Variants in KCNH5 observed in about 807,000 individuals in gnomAD.
The protein encoded by KCNH5 is voltage-gated delayed rectifier potassium channel KCNH5.
KCNH5 carries 46 observed loss-of-function variants against 96.1 expected under a neutral mutation model. That is an observed-to-expected ratio of 0.48 (90% CI 0.38 to 0.61). The LOEUF is 0.61. Ranked by LOEUF, KCNH5 falls within the 20% of genes least tolerant of loss-of-function variation. The probability of loss-of-function intolerance (pLI) is 0.00; values close to 1 mark genes in which losing one functional copy is unlikely to be tolerated. For missense variants in KCNH5, 907 were observed against 1,225.8 expected, an observed-to-expected ratio of 0.74 and a Z score of 3.88; for synonymous variants, 439 against 449.8, an observed-to-expected ratio of 0.98 and a Z score of 0.30.
At chr14:62,819,389 T>C (rs1887068579) in intron 8 of KCNH5, among the ~76,000 whole-genome samples, 3 of 152,216 alleles carry the variant, frequency 2.0e-5, no homozygotes, top group African/African-American at 7.2e-5. Context: ...TGATTCCACT[T>C]ATATGAAATG....
At chr14:62,758,938 C>T (rs539023140) in intron 10 of KCNH5, among the ~76,000 whole-genome samples, 3 of 152,286 alleles carry the variant, frequency 2.0e-5, no homozygotes, top group African/African-American at 4.8e-5. Flanking sequence ...ATCCAAGGGA[C>T]ACAGATGTTT....
chr14:62,799,211 T>C (rs974940789), intron 9 of KCNH5, among the ~76,000 whole-genome samples: 2 of 152,000 alleles, frequency 1.3e-5, no homozygotes, highest in African/African-American at 4.8e-5. Flanking sequence ...CAAGGAGACA[T>C]AGATAAAACG....
At chr14:62,732,347 G>A (rs1231697762) in intron 10 of KCNH5, among the ~76,000 whole-genome samples, 1 of 151,968 alleles carries the variant, frequency 6.6e-6, no homozygotes, top group Admixed American at 6.6e-5. Flanking sequence ...TCATTTTACT[G>A]TGGCTCCTTA....
chr14:62,997,899 CAA>C (rs568941043), intron 4 of KCNH5, among the ~76,000 whole-genome samples: 12 of 60,806 alleles, frequency 2.0e-4, no homozygotes, highest in Admixed American at 4.0e-4. Flanking sequence ...GACTCCATCT[CAA>C]AAAAAAAAAA....
At chr14:62,888,242 A>G (rs1470412244) in intron 7 of KCNH5, among the ~76,000 whole-genome samples, 1 of 152,236 alleles carries the variant, frequency 6.6e-6, no homozygotes, top group Non-Finnish European at 1.5e-5. Context: ...AACTGAAACT[A>G]TACAGACTGA....
chr14:63,040,853 A>G (rs1891810133), intron 1 of KCNH5, among the ~76,000 whole-genome samples: 1 of 152,090 alleles, frequency 6.6e-6, no homozygotes, highest in South Asian at 2.1e-4. Context: ...AGCTATCTCA[A>G]GCAGAATGAA....
At chr14:62,734,572 C>T (rs947947081) in intron 10 of KCNH5, among the ~76,000 whole-genome samples, 1 of 152,102 alleles carries the variant, frequency 6.6e-6, no homozygotes, top group South Asian at 2.1e-4. Context: ...TCCTCTTGCC[C>T]CTATTTACCC....
chr14:62,744,748 T>C (rs1002599203), intron 10 of KCNH5, among the ~76,000 whole-genome samples: 7 of 152,292 alleles, frequency 4.6e-5, no homozygotes, highest in Middle Eastern at 3.4e-3. Flanking sequence ...TCAGAAACCA[T>C]GATTGTTCAT....
In KCNH5 at chr14:62,802,508, T is replaced by C; in HGVS notation, c.1643A>G (p.His548Arg). Reference protein sequence around the residue: ...VHLNRKVFNEHPAFRLASDGC... With the variant: ...VHLNRKVFNERPAFRLASDGC... ...ATCGCTGGCCAATCGAAAAGCAGGA[T>C]GTTCATTAAAAACCTTCCGGTTTAG... Residue 548 changes from histidine to arginine, a missense_variant, in exon 9 of 11, where the codon CAT becomes CGT. His to Arg is a conservative substitution (Grantham distance 29). Around this residue, in one of 6 missense-constraint regions of KCNH5, gnomAD observed 95 missense variants for 111.8 expected, o/e 0.85. Transcript: ENST00000322893. 6.2e-7 allele frequency: 1 copy of C among 1,614,144 alleles called. No individual in the cohort carries two copies. The highest frequency in any genetic ancestry group is 8.5e-7 in the Non-Finnish European group (1 of 1,180,006).
At chr14:63,009,825 C>G (rs1442740205) in intron 2 of KCNH5, among the ~76,000 whole-genome samples, 2 of 152,080 alleles carry the variant, frequency 1.3e-5, no homozygotes, top group Non-Finnish European at 2.9e-5. Flanking sequence ...GTTCCTGAAG[C>G]CTGACTCAGG....
At chr14:62,936,671 C>T (rs1326550368) in intron 7 of KCNH5, among the ~76,000 whole-genome samples, 7 of 70,516 alleles carry the variant, frequency 9.9e-5, no homozygotes, top group African/African-American at 3.9e-4. Flanking sequence ...CGAGACCCTG[C>T]CTCAAAAAAA....
At chr14:62,752,406 G>T (rs1195103505) in intron 10 of KCNH5, among the ~76,000 whole-genome samples, 2 of 151,904 alleles carry the variant, frequency 1.3e-5, no homozygotes, top group Non-Finnish European at 2.9e-5. Context: ...GGGCTCTTGG[G>T]GTCCCAGATT....
At position 62,701,670 on chromosome 14, in the gene KCNH5, T is replaced by TTCAAA. The variant is rs1400189651; in HGVS notation, c.*5837_*5838insTTTGA. On this transcript the variant is annotated 3_prime_UTR_variant, in exon 11 of 11. Coordinates refer to ENST00000322893, the MANE Select transcript of KCNH5 (RefSeq NM_139318.5). Reference sequence around the variant, plus strand: ...AAAACAAGATGGTTTGGGCTGAAGATTCCAGCATGTAGTGTTGTAATATCT... The same window carrying TTCAAA: ...AAAACAAGATGGTTTGGGCTGAAGATTCAAATCCAGCATGTAGTGTTGTAATATCT... 6.6e-6 allele frequency: 1 copy of TTCAAA among 152,170 alleles called. No individual in the cohort carries two copies. Among genetic ancestry groups the TTCAAA allele is most frequent in the Non-Finnish European group, 1.5e-5 (1 of 67,992 alleles). The allele number at this position is 152,170 out of a possible 1,614,324, so 9.4% of individuals were successfully genotyped here.
chr14:63,016,806 A>G (rs1458358040), intron 2 of KCNH5, 25 bp downstream of exon 2: 2 of 1,592,802 alleles, frequency 1.3e-6, no homozygotes, highest in Admixed American at 3.6e-5. Context: ...TTCAGAAAAG[A>G]TTACTTAGCT....
At chr14:62,819,286 A>G (rs955431186) in intron 8 of KCNH5, among the ~76,000 whole-genome samples, 1 of 152,200 alleles carries the variant, frequency 6.6e-6, no homozygotes, top group Non-Finnish European at 1.5e-5. Flanking sequence ...CTTTAGATAT[A>G]AAAATATAAA....
intron 7 of KCNH5, among the ~76,000 whole-genome samples, chr14:62,910,544 T>C (rs575512961): frequency 4.0e-4 from 61 of 152,264 alleles, no homozygotes; most frequent in African/African-American, 1.3e-3. Flanking sequence ...TCAGTAATTC[T>C]CCTACACAGC....
At position 62,980,976 on chromosome 14, in the gene KCNH5, C is replaced by T; in HGVS notation, c.838G>A (p.Asp280Asn). The T allele has an allele frequency of 1.9e-6, 3 of 1,614,068 alleles. No homozygotes were observed. Among genetic ancestry groups the T allele is most frequent in the Non-Finnish European group, 2.5e-6 (3 of 1,180,016 alleles). Residue 280 changes from aspartate (D) to asparagine (N), a missense_variant, in exon 6 of 11, where the codon GAC becomes AAC. Around this residue, in one of 6 missense-constraint regions of KCNH5, gnomAD observed 370 missense variants for 561.3 expected, o/e 0.66. Coordinates refer to ENST00000322893, the MANE Select transcript of KCNH5 (RefSeq NM_139318.5). ...FVGPGGEVIS[D>N]PKLIRMNYLK... ...TAGTTCATCCTTATGAGCTTAGGGT[C>T]AGAAATGACCTCTCCACCGGGCCCC...
chr14:62,917,158 A>G (rs1889291056), intron 7 of KCNH5, among the ~76,000 whole-genome samples: 1 of 152,214 alleles, frequency 6.6e-6, no homozygotes, highest in Non-Finnish European at 1.5e-5. Context: ...TGCCATAGTC[A>G]GTGTAAGATC....
At chr14:62,938,667 C>T (rs915618477) in intron 7 of KCNH5, among the ~76,000 whole-genome samples, 1 of 152,136 alleles carries the variant, frequency 6.6e-6, no homozygotes, top group Non-Finnish European at 1.5e-5. Context: ...CATCTACATC[C>T]CCACTGTCTG....
Sources: gnomAD v4.1 joint callset for allele counts (sites outside exome capture counted in the v4.1 genomes callset) on GRCh38, gnomAD v4.1.1 for gene constraint, gnomAD v4.1.1 regional missense constraint, MANE v1.5 for transcripts, NCBI Gene and HGNC (gene_info 2026-07-23, HGNC 2026-07-21) for gene names.